The following RBPJ variants were observed in gnomAD, a reference collection of about 807,000 sequenced individuals.
RBPJ encodes recombining binding protein suppressor of hairless.
In RBPJ, 9 loss-of-function variants were observed where a neutral mutation model predicts 67.8. The observed-to-expected ratio is 0.13, with a 90% CI of 0.08 to 0.23. The LOEUF (loss-of-function observed/expected upper bound fraction) is 0.23. Among genes scored for constraint, RBPJ ranks in the 10% least tolerant of loss-of-function variants. The pLI, the probability that RBPJ is intolerant of heterozygous loss-of-function variation, is 1.00. For synonymous variants in RBPJ, 198 were observed against 203.3 expected (o/e 0.97, Z 0.22); for missense variants, 305 against 595.6 (o/e 0.51, Z 5.08).
intron 1 of RBPJ, among the ~76,000 whole-genome samples, chr4:26,358,434 G>A (rs1004263694): frequency 1.3e-4 from 19 of 151,986 alleles, no homozygotes; most frequent in Admixed American, 2.6e-4. Flanking sequence ...TAGTCTTTGA[G>A]TTCCCACACA....
intron 1 of RBPJ, among the ~76,000 whole-genome samples, chr4:26,260,032 T>C (rs1477001881): frequency 6.6e-6 from 1 of 152,248 alleles, no homozygotes; most frequent in Non-Finnish European, 1.5e-5. Flanking sequence ...ATTATGCTTC[T>C]TACTGCCTCA....
intron 1 of RBPJ, among the ~76,000 whole-genome samples, chr4:26,364,936 G>A (rs1332101398): frequency 6.6e-6 from 1 of 151,838 alleles, no homozygotes; most frequent in Non-Finnish European, 1.5e-5. Context: ...TTATAACTTT[G>A]TGGTTAAGAG....
In RBPJ at chr4:26,429,986, C is replaced by A; in HGVS notation, c.977C>A (p.Thr326Lys). The A allele has an allele frequency of 6.2e-7, 1 of 1,614,046 alleles. No homozygotes were observed. The highest frequency in any genetic ancestry group is 1.3e-5 in the African/African-American group (1 of 75,034). The stretch of plus-strand genomic sequence containing the variant: ...ATTAGCACAGATAAGGCAGAGTATA[C>A]ATTTTATGAGGGAATGGGCCCTGTC... ...TIISTDKAEYTFYEGMGPVLA... is the reference protein window; with the variant it reads ...TIISTDKAEYKFYEGMGPVLA... The change falls in exon 9 of 11, where the codon ACA becomes AAA. Residue 326 changes from threonine (T) to lysine (K), a missense_variant. Thr to Lys is a moderately conservative substitution (Grantham distance 78). Around this residue, in one of 7 missense-constraint regions of RBPJ, gnomAD observed 66 missense variants for 226.0 expected, o/e 0.29. Transcript: ENST00000355476.
At position 26,429,764 on chromosome 4, in the gene RBPJ, A is replaced by G. The variant is rs946346; in HGVS notation, c.889-134A>G. On this transcript the variant is annotated intron_variant, in intron 8 of 10. Transcript: ENST00000355476. Reference sequence around the variant, plus strand: ...TATGTAGGGATTGGCAAAGCACCATACTTTAGAAAGTTTATAAGTTTTTAC... The same window carrying G: ...TATGTAGGGATTGGCAAAGCACCATGCTTTAGAAAGTTTATAAGTTTTTAC... 656,258 of 719,502 alleles carry G rather than the reference A, an allele frequency of 0.91. 299,677 individuals carry two copies. Among genetic ancestry groups the G allele is most frequent in the East Asian group, 0.95 (35,103 of 36,934 alleles). 44.6% of individuals were successfully genotyped at this position (719,502 alleles called of 1,614,324 possible).
chr4:26,354,765 G>T (rs565711515), intron 1 of RBPJ, among the ~76,000 whole-genome samples: 2 of 152,096 alleles, frequency 1.3e-5, no homozygotes, highest in Non-Finnish European at 2.9e-5. Flanking sequence ...GAGATTTTAC[G>T]TGGGAAACTG....
intron 1 of RBPJ, among the ~76,000 whole-genome samples, chr4:26,326,324 T>G (rs757993317): frequency 3.3e-5 from 5 of 151,100 alleles, no homozygotes; most frequent in South Asian, 2.1e-4. Flanking sequence ...AGGCAAAAGT[T>G]TTTTTTTTTG....
chr4:26,308,285 AAAG>A (rs1356979112), intron 1 of RBPJ, among the ~76,000 whole-genome samples: 1 of 152,328 alleles, frequency 6.6e-6, no homozygotes, highest in Non-Finnish European at 1.5e-5. Flanking sequence ...CAAAAAAAAA[AAAG>A]AGTTTCTCTA....
intron 3 of RBPJ, among the ~76,000 whole-genome samples, chr4:26,406,533 AG>A (rs1350931479): frequency 6.6e-6 from 1 of 152,224 alleles, no homozygotes; most frequent in Non-Finnish European, 1.5e-5. Context: ...TTCTGCAGAA[AG>A]GGTGCCCCTC....
At chr4:26,300,632 G>T (rs1722044697) in intron 1 of RBPJ, among the ~76,000 whole-genome samples, 1 of 152,050 alleles carries the variant, frequency 6.6e-6, no homozygotes, top group Non-Finnish European at 1.5e-5. Context: ...TAATTTTCTG[G>T]CATAACCTTT....
chr4:26,133,739 C>T, the RBPJ span, among the ~76,000 whole-genome samples: 7 of 151,982 alleles, frequency 4.6e-5, no homozygotes, highest in South Asian at 4.2e-4. Flanking sequence ...CTCCCCTCCC[C>T]GCCCCCAGTC....
At chr4:26,161,135 A>G (rs960345663), upstream of RBPJ, among the ~76,000 whole-genome samples, 3 of 152,244 alleles carry the variant, frequency 2.0e-5, no homozygotes, top group African/African-American at 7.2e-5. Context: ...CTCGGCCTCA[A>G]GAGGCCTTAT....
At chr4:26,358,155 T>C (rs1727612994) in intron 1 of RBPJ, among the ~76,000 whole-genome samples, 1 of 151,946 alleles carries the variant, frequency 6.6e-6, no homozygotes, top group South Asian at 2.1e-4. Flanking sequence ...TATAGATCCA[T>C]TGTTACAAAA....
intron 1 of RBPJ, among the ~76,000 whole-genome samples, chr4:26,297,654 A>C (rs1054427230): frequency 6.6e-6 from 1 of 152,150 alleles, no homozygotes; most frequent in Non-Finnish European, 1.5e-5. Flanking sequence ...ATAAAGTTGA[A>C]AAACTTGAAG....
chr4:26,215,229 A>AGGGGG (rs1365423064), intron 1 of RBPJ, among the ~76,000 whole-genome samples: 1 of 14,698 alleles, frequency 6.8e-5, no homozygotes, highest in Non-Finnish European at 1.2e-4. Flanking sequence ...AAAGAGAGAA[A>AGGGGG]AGAGAGAAAG....
At chr4:26,372,581 C>T (rs147649270) in intron 1 of RBPJ, among the ~76,000 whole-genome samples, 69 of 152,232 alleles carry the variant, frequency 4.5e-4, no homozygotes, top group African/African-American at 1.5e-3. Flanking sequence ...CTCTGAAAAT[C>T]GTGTCCACTT....
intron 1 of RBPJ, among the ~76,000 whole-genome samples, chr4:26,302,143 AG>A (rs1376123724): frequency 6.6e-6 from 1 of 152,224 alleles, no homozygotes; most frequent in African/African-American, 2.4e-5. Flanking sequence ...ACAGATTGTT[AG>A]AAGAGTATAA....
intron 1 of RBPJ, among the ~76,000 whole-genome samples, chr4:26,330,597 G>A (rs1173458290): frequency 6.6e-6 from 1 of 152,214 alleles, no homozygotes; most frequent in African/African-American, 2.4e-5. Context: ...AATATGTCCT[G>A]TAGAAAGAAG....
At chr4:26,385,278 C>T (rs552796305) in intron 1 of RBPJ, among the ~76,000 whole-genome samples, 7 of 151,998 alleles carry the variant, frequency 4.6e-5, no homozygotes, top group Non-Finnish European at 1.0e-4. Flanking sequence ...GCCTCGGCCT[C>T]CCAAAGTACT....
chr4:26,156,526 C>G, the RBPJ span, among the ~76,000 whole-genome samples: 1 of 144,920 alleles, frequency 6.9e-6, no homozygotes, highest in Non-Finnish European at 1.5e-5. Context: ...TCAAGACATT[C>G]TCATGCCTCA....
Sources: allele counts gnomAD v4.1 joint callset (sites outside exome capture counted in the v4.1 genomes callset), GRCh38; gene constraint gnomAD v4.1.1; regional missense constraint gnomAD v4.1.1; transcripts MANE v1.5; gene names NCBI Gene and HGNC (gene_info 2026-07-23, HGNC 2026-07-21).